The following FOXN2 variants were observed in gnomAD, a reference collection of about 807,000 sequenced individuals.
FOXN2 encodes forkhead box N2.
FOXN2 carries 19 observed loss-of-function variants against 41.2 expected under a neutral mutation model. That is an observed-to-expected ratio of 0.46 (90% confidence interval 0.32 to 0.68). The LOEUF is 0.68. Ranked by LOEUF, FOXN2 falls within the 30% of genes least tolerant of loss-of-function variation. The pLI is 0.03. For synonymous variants in FOXN2, 195 were observed against 176.8 expected (o/e 1.10, Z -0.82); for missense variants, 587 against 509.4 (o/e 1.15, Z -1.47).
intron 5 of FOXN2, among the ~76,000 whole-genome samples, chr2:48,372,705 A>G (rs1298324857): frequency 6.6e-6 from 1 of 152,122 alleles, no homozygotes; most frequent in Non-Finnish European, 1.5e-5. Flanking sequence ...CATGAATATT[A>G]TATAAATTTG....
rs1481519090 is a variant in FOXN2, at chr2:48,378,737, G to GT, written c.*3297dup. ...ATGTGTAAGCTTTGATTTAAACCAAGTTTACTTCAGTATGTTAATGATGTA... is the reference window on the plus strand; with the variant it reads ...ATGTGTAAGCTTTGATTTAAACCAAGTTTTACTTCAGTATGTTAATGATGTA... On this transcript the variant is annotated 3_prime_UTR_variant, in exon 7 of 7. Coordinates refer to ENST00000340553, the MANE Select transcript of FOXN2 (RefSeq NM_002158.4). 1.3e-5 allele frequency: 2 copies of GT among 150,278 alleles called. No individual in the cohort carries two copies. The highest frequency in any genetic ancestry group is 3.0e-5 in the Non-Finnish European group (2 of 67,518). The allele number at this position is 150,278 out of a possible 1,614,324, so 9.3% of individuals were successfully genotyped here. A position where few individuals can be genotyped will look rare whatever the true frequency, so the allele number is the denominator to read the frequency against.
intron 4 of FOXN2, 56 bp downstream of exon 4, chr2:48,359,203 A>T (rs530369075): frequency 7.3e-6 from 9 of 1,231,692 alleles, no homozygotes; most frequent in Non-Finnish European, 9.5e-6. Context: ...ACTGTGTGAG[A>T]TGGAGAAACT....
intron 1 of FOXN2, among the ~76,000 whole-genome samples, chr2:48,325,772 G>A (rs977175708): frequency 1.3e-5 from 2 of 151,600 alleles, no homozygotes; most frequent in Non-Finnish European, 2.9e-5. Flanking sequence ...CAAAAGGTTC[G>A]AGTACTATGG....
intron 2 of FOXN2, among the ~76,000 whole-genome samples, chr2:48,329,714 C>A (rs1336332775): frequency 6.6e-6 from 1 of 151,920 alleles, no homozygotes; most frequent in African/African-American, 2.4e-5. Flanking sequence ...TTGATTTTAC[C>A]CTCTAATCTC....
At chr2:48,335,741 A>G (rs1670297032) in intron 2 of FOXN2, among the ~76,000 whole-genome samples, 1 of 152,200 alleles carries the variant, frequency 6.6e-6, no homozygotes, top group Non-Finnish European at 1.5e-5. Flanking sequence ...AGAAAAAGCT[A>G]TATTGGCTGG....
Position 48,346,663 on chromosome 2 carries a change from C to G in FOXN2, c.449C>G (p.Ala150Gly). Residue 150 changes from alanine (A) to glycine (G), a missense_variant, in exon 3 of 7, where the codon GCT becomes GGT. By Grantham distance (60) the Ala-to-Gly change is moderately conservative. Transcript: ENST00000340553. ...ATTCTGGACCATTTTCCATATTTTG[C>G]TACTGCACCAACAGGCTGGAAGAAT... is the stretch of plus-strand genomic sequence containing the variant. ...SWILDHFPYF[A>G]TAPTGWKNSV... is the part of the protein sequence containing the mutation. 6.2e-7 allele frequency: 1 copy of G among 1,614,022 alleles called. No individual in the cohort carries two copies. Among genetic ancestry groups the G allele is most frequent in the Non-Finnish European group, 8.5e-7 (1 of 1,179,974 alleles).
At chr2:48,358,675 T>A (rs750547329) in intron 3 of FOXN2, among the ~76,000 whole-genome samples, 1 of 152,238 alleles carries the variant, frequency 6.6e-6, no homozygotes, top group African/African-American at 2.4e-5. Context: ...CATAGAAGAT[T>A]TGATACACGC....
intron 2 of FOXN2, among the ~76,000 whole-genome samples, chr2:48,340,454 C>T (rs986115526): frequency 2.6e-5 from 4 of 151,856 alleles, no homozygotes; most frequent in Non-Finnish European, 5.9e-5. Flanking sequence ...TAACATTGAA[C>T]GTAATATGCA....
upstream of FOXN2, chr2:48,314,565 G>A (rs1668752061): frequency 6.6e-6 from 1 of 152,232 alleles, no homozygotes; most frequent in Admixed American, 6.5e-5. Flanking sequence ...CGCGGGAGGC[G>A]GGACTGGAGG....
intron 5 of FOXN2, among the ~76,000 whole-genome samples, chr2:48,372,830 C>T (rs183603794): frequency 1.3e-5 from 2 of 151,246 alleles, no homozygotes; most frequent in African/African-American, 4.9e-5. Context: ...TGACGAATTA[C>T]ATATTTTTAT....
At chr2:48,346,018 T>C (rs1465374891) in intron 2 of FOXN2, among the ~76,000 whole-genome samples, 183 bp from the exon 3 acceptor site, 1 of 152,084 alleles carries the variant, frequency 6.6e-6, no homozygotes, top group Non-Finnish European at 1.5e-5. Flanking sequence ...TCAACTAATA[T>C]AAGTTATTTT....
intron 3 of FOXN2, among the ~76,000 whole-genome samples, chr2:48,352,355 A>T (rs750257633): frequency 1.3e-5 from 2 of 152,168 alleles, no homozygotes; most frequent in Non-Finnish European, 2.9e-5. Flanking sequence ...ATATGACATG[A>T]TTAGCTCTGG....
intron 2 of FOXN2, among the ~76,000 whole-genome samples, chr2:48,340,097 CT>C (rs1218663964): frequency 2.6e-5 from 4 of 152,044 alleles, no homozygotes; most frequent in Non-Finnish European, 5.9e-5. Context: ...AAGAAAAAAC[CT>C]TTTGTTAACT....
At chr2:48,361,675 A>G (rs1445048378) in intron 4 of FOXN2, among the ~76,000 whole-genome samples, 2 of 152,182 alleles carry the variant, frequency 1.3e-5, no homozygotes, top group Non-Finnish European at 2.9e-5. Context: ...AACTATGAAT[A>G]GGAAATAAAC....
chr2:48,375,616 C>T lies in FOXN2; in HGVS notation c.*173C>T. 3.4e-6 allele frequency: 2 copies of T among 595,154 alleles called. No homozygotes were observed. The highest frequency in any genetic ancestry group is 5.7e-6 in the Non-Finnish European group (2 of 348,160). 36.9% of individuals were successfully genotyped at this position (595,154 alleles called of 1,614,324 possible). On this transcript the variant is annotated 3_prime_UTR_variant, in exon 7 of 7. Coordinates refer to ENST00000340553, the MANE Select transcript of FOXN2 (RefSeq NM_002158.4). ...TTTATTAAACAATTGCTGTTAGGAT[C>T]ATGCCTGATCAGAAATACATGATGT...
upstream of FOXN2, among the ~76,000 whole-genome samples, chr2:48,314,340 A>C (rs539530644): frequency 6.6e-6 from 1 of 152,120 alleles, no homozygotes; most frequent in East Asian, 1.9e-4. Context: ...AGGCCTTTGC[A>C]TTTTCCCGCT....
chr2:48,349,266 G>T (rs1001056831), intron 3 of FOXN2, among the ~76,000 whole-genome samples: 1 of 151,946 alleles, frequency 6.6e-6, no homozygotes, highest in Admixed American at 6.5e-5. Flanking sequence ...CAGGTGGATC[G>T]CTTGAGCCCA....
chr2:48,318,306 GT>G (rs1669069519), intron 1 of FOXN2, among the ~76,000 whole-genome samples: 1 of 151,794 alleles, frequency 6.6e-6, no homozygotes, highest in Non-Finnish European at 1.5e-5. Flanking sequence ...ACTTCTCTTT[GT>G]TTTGATGACT....
At chr2:48,336,516 ATC>A (rs1179814643) in intron 2 of FOXN2, among the ~76,000 whole-genome samples, 2 of 151,926 alleles carry the variant, frequency 1.3e-5, no homozygotes, top group East Asian at 3.9e-4. Flanking sequence ...AGAAGTATAT[ATC>A]AAAATTTATA....
Sources: allele counts gnomAD v4.1 joint callset (sites outside exome capture counted in the v4.1 genomes callset), GRCh38; gene constraint gnomAD v4.1.1; transcripts MANE v1.5; gene names NCBI Gene and HGNC (gene_info 2026-07-23, HGNC 2026-07-21).